The following B4GALT1 variants were observed in gnomAD, a reference collection of about 807,000 sequenced individuals.
B4GALT1 encodes N-acetyllactosamine synthase.
A neutral mutation model predicts 34.9 loss-of-function variants in B4GALT1; 16 were observed. The ratio of observed to expected loss-of-function variants is 0.46; its 90% CI spans 0.31 to 0.70. The LOEUF is 0.70. B4GALT1 is among the 30% of genes least tolerant of loss of function. B4GALT1 has a pLI of 0.05. For missense variants in B4GALT1, 445 were observed against 530.5 expected (o/e 0.84, Z 1.58); for synonymous variants, 221 against 218.1 (o/e 1.01, Z -0.12).
At chr9:33,184,279 C>CACAT in the B4GALT1 span, among the ~76,000 whole-genome samples, 5 of 151,922 alleles carry the variant, frequency 3.3e-5, no homozygotes, top group Admixed American at 6.6e-5. Flanking sequence ...CACACACACA[C>CACAT]ACACACACAA....
chr9:33,106,467 G>A (rs543844774), downstream of B4GALT1, among the ~76,000 whole-genome samples: 15 of 152,336 alleles, frequency 9.8e-5, no homozygotes, highest in African/African-American at 3.1e-4. Flanking sequence ...AGCTTGGTAG[G>A]GGATGATCAG....
rs139326793 is a variant in B4GALT1, at chr9:33,147,446, C to T, written c.413-12022G>A. Among the ~76,000 whole-genome samples, 404 of 152,192 alleles carry T rather than the reference C, an allele frequency of 2.7e-3. 1 individual carries two copies. Among genetic ancestry groups the T allele is most frequent in the African/African-American group, 8.6e-3 (358 of 41,524 alleles). On this transcript the variant is annotated intron_variant, in intron 1 of 5. Coordinates refer to ENST00000379731, the MANE Select transcript of B4GALT1 (RefSeq NM_001497.4). ...TATTTTCATAGAGACAGGGTTTCAC[C>T]GTGTTGGCCGGGCTGGTCTTGAACT...
chr9:33,114,387 G>A (rs1380935256), intron 4 of B4GALT1, among the ~76,000 whole-genome samples: 3 of 152,226 alleles, frequency 2.0e-5, no homozygotes, highest in African/African-American at 7.2e-5. Context: ...AAGCTCCTGG[G>A]GACTGGTGAC....
downstream of B4GALT1, among the ~76,000 whole-genome samples, chr9:33,107,087 C>A (rs1781922233): frequency 6.6e-6 from 1 of 152,164 alleles, no homozygotes; most frequent in Admixed American, 6.5e-5. Context: ...AGTCTATTGA[C>A]CCTGTCACTC....
At chr9:33,121,249 A>G (rs1395287090) in intron 2 of B4GALT1, among the ~76,000 whole-genome samples, 1 of 152,252 alleles carries the variant, frequency 6.6e-6, no homozygotes, top group African/African-American at 2.4e-5. Context: ...CATGCCATAC[A>G]CACCAGGACA....
At chr9:33,130,049 G>A (rs561424766) in intron 2 of B4GALT1, among the ~76,000 whole-genome samples, 2 of 152,364 alleles carry the variant, frequency 1.3e-5, no homozygotes, top group South Asian at 4.1e-4. Flanking sequence ...GGGCAGCTGA[G>A]GGAGAGGAAC....
chr9:33,130,819 G>A (rs1296234419), intron 2 of B4GALT1, among the ~76,000 whole-genome samples: 1 of 152,052 alleles, frequency 6.6e-6, no homozygotes, highest in African/African-American at 2.4e-5. Flanking sequence ...GGGTCCTGAT[G>A]CGGGCCCTGA....
chr9:33,171,753 C>T (rs1387348047), upstream of B4GALT1, among the ~76,000 whole-genome samples: 2 of 152,104 alleles, frequency 1.3e-5, no homozygotes, highest in African/African-American at 4.8e-5. Context: ...TGAGATGTTG[C>T]GATATTGCTC....
chr9:33,167,574 G>A (rs769148686), upstream of B4GALT1, among the ~76,000 whole-genome samples: 2 of 152,220 alleles, frequency 1.3e-5, no homozygotes, highest in East Asian at 3.8e-4. Flanking sequence ...TCTTCCTCCC[G>A]AGCCTTTGCG....
intron 3 of B4GALT1, among the ~76,000 whole-genome samples, chr9:33,116,521 C>CTT (rs577170197): frequency 0.26 from 27,652 of 107,172 alleles, 4,600 homozygotes; most frequent in East Asian, 0.56. Context: ...CAAACCGGAT[C>CTT]TTTTTTTTTT....
At chr9:33,183,322 G>A in the B4GALT1 span, among the ~76,000 whole-genome samples, 1 of 151,234 alleles carries the variant, frequency 6.6e-6, no homozygotes, top group Non-Finnish European at 1.5e-5. Flanking sequence ...CTGCTATAAA[G>A]ACACATGCAC....
intron 1 of B4GALT1, among the ~76,000 whole-genome samples, chr9:33,166,360 T>C (rs1204959862): frequency 6.6e-6 from 1 of 151,720 alleles, no homozygotes; most frequent in Non-Finnish European, 1.5e-5. Context: ...GAGCCTCACG[T>C]CAGTCCCCAA....
chr9:33,183,228 TCATTAGATAGC>T, the B4GALT1 span, among the ~76,000 whole-genome samples: 4 of 152,148 alleles, frequency 2.6e-5, no homozygotes, highest in African/African-American at 9.7e-5. Context: ...TATTGCCTGC[TCATTAGATAGC>T]TACCCATTAG....
chr9:33,183,915 G>A, the B4GALT1 span, among the ~76,000 whole-genome samples: 1 of 151,908 alleles, frequency 6.6e-6, no homozygotes, highest in Non-Finnish European at 1.5e-5. Context: ...ACTAACACAG[G>A]AACAGAAAAC....
chr9:33,154,887 T>C (rs1840574815), intron 1 of B4GALT1, among the ~76,000 whole-genome samples: 1 of 152,116 alleles, frequency 6.6e-6, no homozygotes, highest in Non-Finnish European at 1.5e-5. Context: ...TTATATGCGG[T>C]CCAAGACAAT....
At chr9:33,137,803 G>A (rs529146126) in intron 1 of B4GALT1, among the ~76,000 whole-genome samples, 1 of 152,236 alleles carries the variant, frequency 6.6e-6, no homozygotes, top group Admixed American at 6.5e-5. Flanking sequence ...GAGGGCCCTC[G>A]GGGATTCCCA....
intron 2 of B4GALT1, among the ~76,000 whole-genome samples, chr9:33,123,277 CAAAAAAA>C (rs72342632): frequency 2.3e-5 from 2 of 85,706 alleles, no homozygotes; most frequent in Non-Finnish European, 4.1e-5. Context: ...GACACTGTCT[CAAAAAAA>C]AAAAAAAAAA....
intron 1 of B4GALT1, among the ~76,000 whole-genome samples, chr9:33,145,697 T>C (rs138622928): frequency 1.3e-5 from 2 of 152,310 alleles, no homozygotes; most frequent in Non-Finnish European, 2.9e-5. Context: ...CTGTCCTAAC[T>C]TCCCCTTAAA....
intron 1 of B4GALT1, among the ~76,000 whole-genome samples, chr9:33,165,441 T>C (rs1840736254): frequency 6.6e-6 from 1 of 152,246 alleles, no homozygotes; most frequent in Non-Finnish European, 1.5e-5. Flanking sequence ...GGGACTAGTC[T>C]GCTTCCCAGA....
Sources: allele counts gnomAD v4.1 joint callset (sites outside exome capture counted in the v4.1 genomes callset), GRCh38; gene constraint gnomAD v4.1.1; transcripts MANE v1.5; gene names NCBI Gene and HGNC (gene_info 2026-07-23, HGNC 2026-07-21).